The following TEX11 variants were observed in gnomAD, a reference collection of about 807,000 sequenced individuals.
The protein encoded by TEX11 is testis expressed 11.
In TEX11, 7 loss-of-function variants were observed where a neutral mutation model predicts 84.4. The ratio of observed to expected loss-of-function variants is 0.08; its 90% CI spans 0.05 to 0.16. The LOEUF is 0.16. Among genes scored for constraint, TEX11 ranks in the 10% least tolerant of loss-of-function variants. The pLI is 1.00. For missense variants in TEX11, 551 were observed against 660.5 expected, an observed-to-expected ratio of 0.83 and a Z score of 1.82; for synonymous variants, 264 against 222.8, an observed-to-expected ratio of 1.18 and a Z score of -1.64.
chrX:70,712,380 C>A (rs1271817508), intron 13 of TEX11, among the ~76,000 whole-genome samples: 2 of 109,748 alleles, frequency 1.8e-5, no homozygotes, highest in Non-Finnish European at 3.8e-5. Context: ...TTACCTTGGG[C>A]AGTATGGCCA....
At chrX:70,581,330 G>A (rs183294102) in intron 25 of TEX11, among the ~76,000 whole-genome samples, 797 of 69,902 alleles carry the variant, frequency 0.011, 9 homozygotes, top group African/African-American at 0.041. Flanking sequence ...ATGGAGTCTC[G>A]CTCTGTCACC....
intron 25 of TEX11, among the ~76,000 whole-genome samples, chrX:70,574,978 G>T (rs149833554): frequency 2.7e-3 from 304 of 111,346 alleles, no homozygotes; most frequent in Middle Eastern, 0.014. Flanking sequence ...AGTACATGGA[G>T]CTATGAGGCA....
intron 24 of TEX11, among the ~76,000 whole-genome samples, chrX:70,599,520 T>C (rs1267308512): frequency 7.1e-5 from 1 of 13,997 alleles, no homozygotes. Flanking sequence ...ACAAGTATTC[T>C]TTTTTTTTTA....
At chrX:70,815,992 T>G (rs992439700) in intron 8 of TEX11, among the ~76,000 whole-genome samples, 6 of 111,623 alleles carry the variant, frequency 5.4e-5, no homozygotes, top group Admixed American at 9.6e-5. Flanking sequence ...GTAAGTTCTT[T>G]GGTGGTGATT....
At chrX:70,540,161 T>C (rs1044408143) in intron 28 of TEX11, among the ~76,000 whole-genome samples, 4 of 112,306 alleles carry the variant, frequency 3.6e-5, no homozygotes, top group Middle Eastern at 4.7e-3. Flanking sequence ...ATTATACCAA[T>C]AATCAGGAAG....
intron 7 of TEX11, among the ~76,000 whole-genome samples, chrX:70,841,384 G>A (rs1027549432): frequency 7.2e-5 from 8 of 111,019 alleles, no homozygotes; most frequent in Admixed American, 1.9e-4. Flanking sequence ...ATGACTACTC[G>A]GTACATAATG....
At chrX:70,814,006 C>A (rs2091272915) in intron 8 of TEX11, among the ~76,000 whole-genome samples, 1 of 111,677 alleles carries the variant, frequency 9.0e-6, no homozygotes, top group African/African-American at 3.3e-5. Context: ...TAATCAATAT[C>A]ATGAAAATGG....
At chrX:70,705,525 C>G (rs1297663263) in intron 13 of TEX11, among the ~76,000 whole-genome samples, 3 of 111,365 alleles carry the variant, frequency 2.7e-5, no homozygotes, top group African/African-American at 9.8e-5. Context: ...AACAGGCAAC[C>G]TACAGAATGG....
chrX:70,781,696 C>T (rs190323385), intron 9 of TEX11, among the ~76,000 whole-genome samples: 143 of 111,625 alleles, frequency 1.3e-3, no homozygotes, highest in Non-Finnish European at 2.4e-3. Flanking sequence ...CTGATTCGAT[C>T]AAGTGGAAGA....
At chrX:70,826,122 A>G (rs2091344229) in intron 8 of TEX11, among the ~76,000 whole-genome samples, 1 of 110,603 alleles carries the variant, frequency 9.0e-6, no homozygotes, top group South Asian at 3.9e-4. Context: ...TGACCAACAT[A>G]ATGAAACCCC....
chrX:70,686,072 A>G (rs1031565031), intron 13 of TEX11, among the ~76,000 whole-genome samples: 2 of 111,666 alleles, frequency 1.8e-5, no homozygotes, highest in Non-Finnish European at 3.8e-5. Context: ...TCTTCAGTTT[A>G]ATTATACCCC....
intron 23 of TEX11, among the ~76,000 whole-genome samples, chrX:70,605,996 C>T (rs1220297826): frequency 8.9e-6 from 1 of 112,013 alleles, no homozygotes; most frequent in Non-Finnish European, 1.9e-5. Flanking sequence ...GAAAAACTCC[C>T]AGCTACTACA....
At chrX:70,736,358 A>G (rs911282573) in intron 11 of TEX11, among the ~76,000 whole-genome samples, 2 of 111,200 alleles carry the variant, frequency 1.8e-5, no homozygotes, top group Non-Finnish European at 3.8e-5. Context: ...TACAACTAAG[A>G]ACTCTGAACA....
intron 11 of TEX11, among the ~76,000 whole-genome samples, chrX:70,726,392 T>C (rs761271068): frequency 8.0e-4 from 90 of 111,824 alleles, no homozygotes; most frequent in African/African-American, 2.7e-3. Flanking sequence ...TGTCCATCCT[T>C]ATTGTCTCTT....
chrX:70,740,618 C>A (rs1040379519), intron 11 of TEX11, 83 bp downstream of exon 11: 5 of 620,423 alleles, frequency 8.1e-6, no homozygotes, highest in Admixed American at 7.5e-5. Flanking sequence ...AATGCTGAAG[C>A]AAATGTCTAA....
chrX:70,667,698 C>T (rs2089988117), intron 16 of TEX11, among the ~76,000 whole-genome samples: 1 of 111,425 alleles, frequency 9.0e-6, no homozygotes. Flanking sequence ...GAGGCCGAGG[C>T]GGGCAGATCA....
At chrX:70,604,879 A>G (rs1417178570) in intron 24 of TEX11, among the ~76,000 whole-genome samples, 1 of 111,868 alleles carries the variant, frequency 8.9e-6, no homozygotes, top group Admixed American at 9.5e-5. Flanking sequence ...TAAAAGGGGT[A>G]ACATTTAAGA....
intron 13 of TEX11, among the ~76,000 whole-genome samples, chrX:70,688,468 G>A (rs764782847): frequency 4.5e-5 from 5 of 111,091 alleles, no homozygotes; most frequent in South Asian, 7.5e-4. Context: ...AATTCATATT[G>A]CTAAGTGGAA....
At chrX:70,557,498 A>C (rs866395677) in intron 25 of TEX11, among the ~76,000 whole-genome samples, 5 of 110,733 alleles carry the variant, frequency 4.5e-5, no homozygotes, top group African/African-American at 1.6e-4. Context: ...AGAAAGAATT[A>C]GTGTGTACGT....
Sources: gnomAD v4.1 joint callset for allele counts (sites outside exome capture counted in the v4.1 genomes callset) on GRCh38, gnomAD v4.1.1 for gene constraint, MANE v1.5 for transcripts, NCBI Gene and HGNC (gene_info 2026-07-23, HGNC 2026-07-21) for gene names.